The following AGGF1 variants were observed in gnomAD, a reference collection of about 807,000 sequenced individuals.
The protein encoded by AGGF1 is angiogenic factor with G patch and FHA domains 1.
AGGF1 carries 56 observed loss-of-function variants against 86.5 expected under a neutral mutation model. The ratio of observed to expected loss-of-function variants is 0.65; its 90% CI spans 0.52 to 0.81. The LOEUF (loss-of-function observed/expected upper bound fraction) is 0.81. AGGF1 is among the 30% of genes least tolerant of loss of function. The probability of loss-of-function intolerance (pLI) is 0.00; values close to 1 mark genes in which losing one functional copy is unlikely to be tolerated. For missense variants in AGGF1, 816 were observed against 850.9 expected (o/e 0.96, Z 0.51); for synonymous variants, 313 against 297.1 (o/e 1.05, Z -0.55).
intron 5 of AGGF1, among the ~76,000 whole-genome samples, chr5:77,044,368 G>T (rs921466110): frequency 2.6e-5 from 4 of 152,232 alleles, no homozygotes; most frequent in Admixed American, 6.5e-5. Flanking sequence ...AAAGGTACCT[G>T]TGAGGCCAAG....
In AGGF1 at chr5:77,053,960, T is replaced by C. The variant is rs753001893; in HGVS notation, c.1468-5T>C. ...TTTCTGTTTTGTAAAATGTTTCCCCTCTAGCCGAAAACTAAATGTGACCCT... is the reference window on the plus strand; with the variant it reads ...TTTCTGTTTTGTAAAATGTTTCCCCCCTAGCCGAAAACTAAATGTGACCCT... On this transcript the variant is annotated splice_polypyrimidine_tract_variant and splice_region_variant and intron_variant, in intron 9 of 13. Coordinates refer to ENST00000312916, the MANE Select transcript of AGGF1 (RefSeq NM_018046.5). 8 of 1,613,980 alleles carry C rather than the reference T, an allele frequency of 5.0e-6. No homozygotes were observed. In the South Asian group the frequency reaches 8.8e-5, roughly 18 times the overall value.
chr5:77,055,242 A>G (rs1747438966), intron 10 of AGGF1, among the ~76,000 whole-genome samples: 2 of 152,184 alleles, frequency 1.3e-5, no homozygotes, highest in Non-Finnish European at 2.9e-5. Context: ...TACAATAATC[A>G]TATTGAAAAA....
chr5:77,038,309 C>T (rs953013774), intron 4 of AGGF1, among the ~76,000 whole-genome samples: 1 of 152,060 alleles, frequency 6.6e-6, no homozygotes, highest in African/African-American at 2.4e-5. Context: ...TTCAAGTAGA[C>T]ATTAGTCTTT....
chr5:77,031,086 A>T (rs1170300935), intron 1 of AGGF1, 110 bp downstream of exon 1: 5 of 1,162,038 alleles, frequency 4.3e-6, no homozygotes, highest in Non-Finnish European at 6.3e-6. Context: ...ACTGTAGAGT[A>T]CTTAAAGTAA....
intron 5 of AGGF1, among the ~76,000 whole-genome samples, chr5:77,044,204 G>A (rs993248808): frequency 6.7e-6 from 1 of 150,156 alleles, no homozygotes; most frequent in African/African-American, 2.5e-5. Context: ...CTGCAATCTC[G>A]GCACTTTGGG....
At position 77,056,969 on chromosome 5, in the gene AGGF1, AAAG is replaced by A. The variant is rs568711926; in HGVS notation, c.1716+1378_1716+1380del. ...CAAAGATTTGAATAGATGCTTCACC[AAAG>A]AAGATATGCTGATGGCAAATAAACA... On this transcript the variant is annotated intron_variant, in intron 11 of 13. Coordinates refer to ENST00000312916, the MANE Select transcript of AGGF1 (RefSeq NM_018046.5). Among the ~76,000 whole-genome samples the A allele has an allele frequency of 3.6e-3, 544 of 152,344 alleles. 1 individual carries two copies. The highest frequency in any genetic ancestry group is 0.012 in the African/African-American group (502 of 41,578).
intron 5 of AGGF1, among the ~76,000 whole-genome samples, chr5:77,043,483 G>A (rs1472953854): frequency 6.6e-5 from 8 of 120,894 alleles, no homozygotes; most frequent in African/African-American, 1.8e-4. Flanking sequence ...GCCGGGCGGA[G>A]GGCTGACCCC....
At chr5:77,046,261 T>C in intron 5 of AGGF1, 86 bp from the exon 6 acceptor site, 1 of 1,139,038 alleles carries the variant, frequency 8.8e-7, no homozygotes. Flanking sequence ...CTTCACGAAT[T>C]CGTTGAAACT....
intron 10 of AGGF1, among the ~76,000 whole-genome samples, chr5:77,054,917 G>T (rs1747434422): frequency 6.6e-6 from 1 of 152,066 alleles, no homozygotes; most frequent in Admixed American, 6.5e-5. Context: ...GCTGTATATT[G>T]TCTATGTACC....
Position 77,034,503 on chromosome 5 carries a change from C to T in AGGF1, c.296C>T (p.Ala99Val). The change falls in exon 2 of 14, where the codon GCT becomes GTT. Residue 99 changes from alanine (A) to valine (V), a missense_variant. By Grantham distance (64) the Ala-to-Val change is moderately conservative (BLOSUM62 0). Transcript: ENST00000312916. The stretch of plus-strand genomic sequence containing the variant: ...GTAGAAGTACAAACAGAGAACCATG[C>T]TCCTTGGTCAATCTCAGGTATTTAG... ...SDVEVQTENH[A>V]PWSISDYFYQ... is the part of the protein sequence containing the mutation. 1 of 1,610,898 alleles carries T rather than the reference C, an allele frequency of 6.2e-7. No homozygotes were observed. Among genetic ancestry groups the T allele is most frequent in the African/African-American group, 1.3e-5 (1 of 74,990 alleles).
At chr5:77,041,791 TTA>T (rs1747089089) in intron 5 of AGGF1, among the ~76,000 whole-genome samples, 2 of 118,026 alleles carry the variant, frequency 1.7e-5, no homozygotes, top group African/African-American at 3.2e-5. Context: ...CTTTTTTTAT[TTA>T]TTTATTTATT....
intron 8 of AGGF1, among the ~76,000 whole-genome samples, chr5:77,049,872 C>T (rs1485511728): frequency 6.6e-6 from 1 of 152,040 alleles, no homozygotes; most frequent in Non-Finnish European, 1.5e-5. Context: ...ATTTCTCTTT[C>T]CTGTACTATG....
At position 77,064,593 on chromosome 5, in the gene AGGF1, C is replaced by G. The variant is rs1742755642; in HGVS notation, c.*1341C>G. 6.6e-6 allele frequency: 1 copy of G among 152,176 alleles called. No homozygotes were observed. The highest frequency in any genetic ancestry group is 1.5e-5 in the Non-Finnish European group (1 of 68,028). 9.4% of individuals were successfully genotyped at this position (152,176 alleles called of 1,614,324 possible). The stretch of plus-strand genomic sequence containing the variant: ...TCCTATGGGCTTAAGCTAGGACAAT[C>G]AGGCCCTAAACTCCAAATTTGGATA... On this transcript the variant is annotated 3_prime_UTR_variant, in exon 14 of 14. Coordinates refer to ENST00000312916, the MANE Select transcript of AGGF1 (RefSeq NM_018046.5).
chr5:77,052,532 C>T (rs1008171994), intron 8 of AGGF1, among the ~76,000 whole-genome samples, 174 bp from the exon 9 acceptor site: 1 of 152,112 alleles, frequency 6.6e-6, no homozygotes, highest in Non-Finnish European at 1.5e-5. Context: ...ACATTTTCTT[C>T]TATAGCCTCT....
intron 2 of AGGF1, 88 bp from the exon 3 acceptor site, chr5:77,035,453 G>C (rs1746946861): frequency 2.1e-6 from 2 of 957,856 alleles, no homozygotes; most frequent in Non-Finnish European, 1.6e-6. Flanking sequence ...TGTGCTTTTT[G>C]TGTTTAAATG....
At chr5:77,042,550 C>A (rs1384811040) in intron 5 of AGGF1, among the ~76,000 whole-genome samples, 1 of 80,000 alleles carries the variant, frequency 1.3e-5, no homozygotes, top group African/African-American at 3.7e-5. Flanking sequence ...CGCCCCTCAC[C>A]TCCCGGACGG....
At chr5:77,035,444 G>T in intron 2 of AGGF1, 97 bp from the exon 3 acceptor site, 2 of 867,750 alleles carry the variant, frequency 2.3e-6, no homozygotes, top group Non-Finnish European at 1.8e-6. Flanking sequence ...TTTGAAGTAT[G>T]TGCTTTTTGT....
At chr5:77,048,710 C>G (rs185138929) in intron 7 of AGGF1, among the ~76,000 whole-genome samples, 15 of 152,210 alleles carry the variant, frequency 9.9e-5, no homozygotes, top group Admixed American at 6.5e-4. Flanking sequence ...AAAATGTCTA[C>G]CCAAAGGAAG....
At chr5:77,033,450 G>T (rs556587581) in intron 1 of AGGF1, among the ~76,000 whole-genome samples, 1 of 152,290 alleles carries the variant, frequency 6.6e-6, no homozygotes. Context: ...CTAATTCATA[G>T]TGATAGGGAC....
Sources: allele counts gnomAD v4.1 joint callset (sites outside exome capture counted in the v4.1 genomes callset), GRCh38; gene constraint gnomAD v4.1.1; transcripts MANE v1.5; gene names NCBI Gene and HGNC (gene_info 2026-07-23, HGNC 2026-07-21).